The following FAM81A variants were observed in gnomAD, a reference collection of about 807,000 sequenced individuals.
The protein encoded by FAM81A is family with sequence similarity 81 member A, also known as protein FAM81A.
A neutral mutation model predicts 46.7 loss-of-function variants in FAM81A; 19 were observed. The ratio of observed to expected loss-of-function variants is 0.41; its 90% CI spans 0.28 to 0.60. The LOEUF (loss-of-function observed/expected upper bound fraction) is 0.60. Among genes scored for constraint, FAM81A ranks in the 20% least tolerant of loss-of-function variants. FAM81A has a pLI of 0.34. For synonymous variants in FAM81A, 183 were observed against 152.9 expected, an observed-to-expected ratio of 1.20 and a Z score of -1.45; for missense variants, 377 against 453.5, an observed-to-expected ratio of 0.83 and a Z score of 1.53.
chr15:59,430,439 T>A (rs2081215034), intron 2 of FAM81A, among the ~76,000 whole-genome samples: 2 of 152,014 alleles, frequency 1.3e-5, no homozygotes. Flanking sequence ...TAGTTTTTTG[T>A]ATTTTTAGTA....
chr15:59,403,228 C>A (rs1380097639), intron 2 of FAM81A, among the ~76,000 whole-genome samples: 1 of 151,926 alleles, frequency 6.6e-6, no homozygotes, highest in Non-Finnish European at 1.5e-5. Flanking sequence ...CCATCCCACA[C>A]CCCCACATTC....
At chr15:59,478,935 A>G (rs1442847744) in intron 3 of FAM81A, among the ~76,000 whole-genome samples, 1 of 152,222 alleles carries the variant, frequency 6.6e-6, no homozygotes, top group Non-Finnish European at 1.5e-5. Context: ...ATGGACAGCT[A>G]GAGATAGTCT....
chr15:59,455,950 T>A (rs892063015), intron 1 of FAM81A, among the ~76,000 whole-genome samples: 15 of 152,376 alleles, frequency 9.8e-5, no homozygotes, highest in Admixed American at 9.8e-4. Context: ...CATTCACTCA[T>A]TCATTAACAA....
At chr15:59,438,181 G>A (rs1275799437), upstream of FAM81A, 1 of 146,320 alleles carries the variant, frequency 6.8e-6, no homozygotes, top group East Asian at 2.0e-4. Context: ...CCGCGGCGCG[G>A]GCCCGCAGCC....
Position 59,507,308 on chromosome 15 carries a change from T to C in FAM81A, c.509T>C (p.Ile170Thr). ...AAAGAACAGCAGGCTGCCAAACTTATCTTGGAAACGAAAATCAAAGATGCA... is the reference window on the plus strand; with the variant it reads ...AAAGAACAGCAGGCTGCCAAACTTACCTTGGAAACGAAAATCAAAGATGCA... ...LNKEQQAAKLILETKIKDAEG... is the reference protein window; with the variant it reads ...LNKEQQAAKLTLETKIKDAEG... Residue 170 changes from isoleucine to threonine, a missense_variant, in exon 5 of 9, where the codon ATC (isoleucine) becomes ACC (threonine). Physicochemically the swap from Ile to Thr is moderately conservative, Grantham distance 89 (BLOSUM62 -1). Coordinates refer to ENST00000288228, the MANE Select transcript of FAM81A (RefSeq NM_152450.3). 4 of 1,612,540 alleles carry C rather than the reference T, an allele frequency of 2.5e-6. No homozygotes were observed. Among genetic ancestry groups the C allele is most frequent in the South Asian group, 1.1e-5 (1 of 90,632 alleles).
At chr15:59,514,162 A>T in intron 6 of FAM81A, 127 bp from the exon 7 acceptor site, 3 of 1,002,996 alleles carry the variant, frequency 3.0e-6, no homozygotes, top group Non-Finnish European at 4.2e-6. Context: ...CAGATGCAGC[A>T]AACCACCATG....
At chr15:59,468,362 A>G (rs1365090679) in intron 3 of FAM81A, among the ~76,000 whole-genome samples, 1 of 152,014 alleles carries the variant, frequency 6.6e-6, no homozygotes, top group African/African-American at 2.4e-5. Flanking sequence ...CTGGTGGCCT[A>G]TTTATTATTG....
intron 2 of FAM81A, among the ~76,000 whole-genome samples, chr15:59,420,488 C>T (rs529672927): frequency 6.6e-5 from 10 of 152,242 alleles, no homozygotes; most frequent in East Asian, 5.8e-4. Flanking sequence ...CTGAGTCTAA[C>T]GGAAAAACAA....
intron 8 of FAM81A, among the ~76,000 whole-genome samples, chr15:59,520,853 C>T (rs866795311): frequency 3.0e-4 from 45 of 152,254 alleles, no homozygotes; most frequent in African/African-American, 1.0e-3. Context: ...CATGAGCCAC[C>T]GTACCAGGCC....
rs1014818509 is a variant in FAM81A at position 59,503,510 on chromosome 15, G to A, written c.414-3703G>A. On this transcript the variant is annotated intron_variant, in intron 4 of 8. Coordinates refer to ENST00000288228, the MANE Select transcript of FAM81A (RefSeq NM_152450.3). ...CACTTCCAGTATGCACATAGATCTA[G>A]CATGCTTTTTAATTGGATATGGAGT... Among the ~76,000 whole-genome samples the A allele has an allele frequency of 2.6e-5, 4 of 151,760 alleles. No homozygotes were observed. The South Asian group carries it at 8.3e-4, about 31-fold the overall frequency.
intron 2 of FAM81A, among the ~76,000 whole-genome samples, chr15:59,425,817 G>A (rs28590476): frequency 0.19 from 29,632 of 151,994 alleles, 3,070 homozygotes; most frequent in Middle Eastern, 0.25. Context: ...AGAGATGGGG[G>A]TCTCACTATG....
chr15:59,418,319 G>A (rs532505722), intron 2 of FAM81A, among the ~76,000 whole-genome samples: 30 of 152,326 alleles, frequency 2.0e-4, no homozygotes, highest in African/African-American at 6.7e-4. Flanking sequence ...CTTACGTGGA[G>A]AAGAAGTTCT....
At chr15:59,495,345 C>T (rs1010930061) in intron 4 of FAM81A, among the ~76,000 whole-genome samples, 3 of 152,174 alleles carry the variant, frequency 2.0e-5, no homozygotes, top group African/African-American at 7.2e-5. Flanking sequence ...CATGTTGTAG[C>T]ATGTATCAGC....
intron 2 of FAM81A, among the ~76,000 whole-genome samples, chr15:59,433,015 G>A (rs2081227373): frequency 6.6e-6 from 1 of 151,142 alleles, no homozygotes; most frequent in South Asian, 2.1e-4. Context: ...GGTGGTGGGT[G>A]CCTGTAGTCC....
chr15:59,429,852 A>G (rs7169762), intron 2 of FAM81A, among the ~76,000 whole-genome samples: 29,933 of 152,068 alleles, frequency 0.2, 3,169 homozygotes, highest in Middle Eastern at 0.26. Flanking sequence ...CTGATGTAAT[A>G]GATGTAGGCA....
intron 2 of FAM81A, chr15:59,407,291 C>CTTTTTTTTTTTTTTTTTTTTTT (rs3053043): frequency 8.3e-6 from 1 of 120,220 alleles, no homozygotes; most frequent in Non-Finnish European, 1.7e-5. Context: ...CTTTTCTTTC[C>CTTTTTTTTTTTTTTTTTTTTTT]TTTTTTTTTT....
Position 59,460,739 on chromosome 15 carries a change from TG to T in FAM81A, c.294+535del. 5.1e-6 allele frequency: 1 copy of T among 197,564 alleles called. No individual in the cohort carries two copies. Among genetic ancestry groups the T allele is most frequent in the East Asian group, 1.3e-4 (1 of 7,668 alleles). The allele number at this position is 197,564 out of a possible 1,614,324, so 12.2% of individuals were successfully genotyped here. On this transcript the variant is annotated intron_variant, in intron 3 of 8. Coordinates refer to ENST00000288228, the MANE Select transcript of FAM81A (RefSeq NM_152450.3). This position sits in a 1 kb window ranked among gnomAD's most constrained non-coding sequence, Gnocchi z 4.4. ...GGCCAATATTGTCTATTTTTAGAAT[TG>T]GTAGATTTACTGCTATTTATTGAGC...
intron 3 of FAM81A, among the ~76,000 whole-genome samples, chr15:59,486,656 A>G (rs80348972): frequency 0.087 from 13,204 of 152,218 alleles, 707 homozygotes; most frequent in African/African-American, 0.15. Flanking sequence ...CCTAAAGGCA[A>G]CAAGACAAAA....
rs535019972 is a variant in FAM81A, at chr15:59,411,670, C to T, written c.-78+9312C>T. The stretch of plus-strand genomic sequence containing the variant: ...GTGGTTCACTCCTGTAATCCCAGCA[C>T]TTTGGGAGGCCGAGATGAAAGGATC... On this transcript the variant is annotated intron_variant, in intron 2 of 4. Coordinates refer to the FAM81A transcript ENST00000558348. Among the ~76,000 whole-genome samples the T allele has an allele frequency of 4.6e-5, 7 of 152,316 alleles. No individual in the cohort carries two copies. The South Asian group carries it at 1.5e-3, about 32-fold the overall frequency.
Sources: allele counts gnomAD v4.1 joint callset (sites outside exome capture counted in the v4.1 genomes callset), GRCh38; gene constraint gnomAD v4.1.1; non-coding constraint Gnocchi (gnomAD v3.1); transcripts MANE v1.5; gene names NCBI Gene and HGNC (gene_info 2026-07-23, HGNC 2026-07-21).